SORCS2: variants seen among roughly 807,000 people sequenced by gnomAD.
The protein encoded by SORCS2 is sortilin related VPS10 domain containing receptor 2.
In SORCS2, 100 loss-of-function variants were observed where a neutral mutation model predicts 141.6. The observed-to-expected ratio is 0.71, with a 90% confidence interval of 0.60 to 0.83. The LOEUF is 0.83. Ranked by LOEUF, SORCS2 falls within the 40% of genes least tolerant of loss-of-function variation. The pLI, the probability that SORCS2 is intolerant of heterozygous loss-of-function variation, is 0.00. For missense variants in SORCS2, 1,646 were observed against 1,560.2 expected, an observed-to-expected ratio of 1.05 and a Z score of -0.93; for synonymous variants, 789 against 676.9, an observed-to-expected ratio of 1.17 and a Z score of -2.57.
At chr4:7,461,232 C>A (rs948439475) in intron 2 of SORCS2, among the ~76,000 whole-genome samples, 1 of 152,244 alleles carries the variant, frequency 6.6e-6, no homozygotes, top group Admixed American at 6.5e-5. Context: ...TTCCCTCTGC[C>A]GTCACAGGAC....
Position 7,233,152 on chromosome 4 carries a change from C to T in SORCS2, c.480+40026C>T, listed in dbSNP as rs1007850101. On this transcript the variant is annotated intron_variant, in intron 1 of 26. Coordinates refer to ENST00000507866, the MANE Select transcript of SORCS2 (RefSeq NM_020777.3). The surrounding 1 kb of genome is among the most constrained non-coding windows in gnomAD (Gnocchi z 4.5). ...GGCACAGGCGAGTCCCCAAGGTACC[C>T]GAGGGAGGCCAGGTACTGTCACTGC... 3.9e-5 allele frequency among the ~76,000 whole-genome samples: 6 copies of T among 152,122 alleles called. No individual in the cohort carries two copies. The highest frequency in any genetic ancestry group is 2.1e-4 in the South Asian group (1 of 4,830).
At chr4:7,238,993 A>C (rs1315895817) in intron 1 of SORCS2, among the ~76,000 whole-genome samples, 1 of 152,228 alleles carries the variant, frequency 6.6e-6, no homozygotes, top group South Asian at 2.1e-4. Context: ...CACTGGGAGC[A>C]CTAGGCATGG....
chr4:7,278,486 T>G (rs1715659123), intron 1 of SORCS2, among the ~76,000 whole-genome samples: 1 of 152,150 alleles, frequency 6.6e-6, no homozygotes, highest in East Asian at 1.9e-4. Context: ...CAGCCCAGGG[T>G]CTGCTTAGCC....
chr4:7,734,756 A>G (rs377642080), intron 25 of SORCS2, among the ~76,000 whole-genome samples: 117 of 152,320 alleles, frequency 7.7e-4, no homozygotes, highest in African/African-American at 2.7e-3. Flanking sequence ...GGCCAGCCTC[A>G]GAACTGGGAC....
At chr4:7,355,181 C>A (rs975809050) in intron 1 of SORCS2, among the ~76,000 whole-genome samples, 1 of 152,144 alleles carries the variant, frequency 6.6e-6, no homozygotes, top group Admixed American at 6.5e-5. Flanking sequence ...TCTGTCCTCA[C>A]GAGCTGGAGC....
intron 2 of SORCS2, among the ~76,000 whole-genome samples, chr4:7,529,707 G>C (rs889664186): frequency 3.9e-5 from 6 of 152,224 alleles, no homozygotes; most frequent in Non-Finnish European, 5.9e-5. Flanking sequence ...GTTTCTGCAA[G>C]GGCCTTGGAA....
chr4:7,232,702 C>T (rs1050367493), intron 1 of SORCS2, among the ~76,000 whole-genome samples: 9 of 152,182 alleles, frequency 5.9e-5, no homozygotes, highest in African/African-American at 9.7e-5. Flanking sequence ...TGTGTCGATG[C>T]GTGCCCCTCC....
At chr4:7,229,249 C>A (rs576705058) in intron 1 of SORCS2, among the ~76,000 whole-genome samples, 31 of 152,200 alleles carry the variant, frequency 2.0e-4, no homozygotes, top group African/African-American at 7.5e-4. Context: ...TCTCCTTCCC[C>A]CATAATTCCC....
intron 10 of SORCS2, 48 bp downstream of exon 10, chr4:7,682,937 G>T: frequency 6.3e-7 from 1 of 1,584,560 alleles, no homozygotes; most frequent in Non-Finnish European, 8.6e-7. Context: ...GTGGATGCTA[G>T]ATATAACTTC....
chr4:7,562,560 A>G (rs1714678096), intron 3 of SORCS2, among the ~76,000 whole-genome samples: 1 of 152,172 alleles, frequency 6.6e-6, no homozygotes, highest in African/African-American at 2.4e-5. Context: ...TGCATGTTCT[A>G]CTTGGTTTTG....
chr4:7,639,789 A>G (rs1720530252), intron 4 of SORCS2, among the ~76,000 whole-genome samples: 1 of 144,294 alleles, frequency 6.9e-6, no homozygotes. Context: ...GTGTGTGGGT[A>G]TGTATGGGTG....
intron 1 of SORCS2, among the ~76,000 whole-genome samples, chr4:7,296,670 T>C (rs978304962): frequency 2.0e-5 from 3 of 152,038 alleles, no homozygotes; most frequent in Non-Finnish European, 4.4e-5. Context: ...GGAATCGGAG[T>C]AGCCCCAGCC....
At chr4:7,376,554 G>A (rs1366317203) in intron 1 of SORCS2, among the ~76,000 whole-genome samples, 2 of 152,176 alleles carry the variant, frequency 1.3e-5, no homozygotes, top group African/African-American at 2.4e-5. Context: ...TCCAGCCTGG[G>A]TGACAAAGCA....
At chr4:7,461,384 G>C (rs1473423063) in intron 2 of SORCS2, among the ~76,000 whole-genome samples, 1 of 152,092 alleles carries the variant, frequency 6.6e-6, no homozygotes, top group Non-Finnish European at 1.5e-5. Context: ...CGAGCTTCCA[G>C]CTTGACCTCT....
chr4:7,358,378 G>C (rs187254281), intron 1 of SORCS2, among the ~76,000 whole-genome samples: 9 of 152,340 alleles, frequency 5.9e-5, no homozygotes, highest in African/African-American at 2.2e-4. Flanking sequence ...GCTCAGAGAG[G>C]TTAGCGTTAG....
intron 10 of SORCS2, among the ~76,000 whole-genome samples, chr4:7,688,063 C>T (rs985242865): frequency 1.3e-5 from 2 of 152,190 alleles, no homozygotes; most frequent in African/African-American, 4.8e-5. Context: ...CGCATCTTAT[C>T]CAAGTCAATA....
At chr4:7,650,337 G>A (rs925734723) in intron 4 of SORCS2, among the ~76,000 whole-genome samples, 1 of 152,208 alleles carries the variant, frequency 6.6e-6, no homozygotes, top group African/African-American at 2.4e-5. Context: ...GCTATTACGG[G>A]TGTTATCAGG....
At chr4:7,249,058 C>A (rs28623262) in intron 1 of SORCS2, among the ~76,000 whole-genome samples, 1 of 152,178 alleles carries the variant, frequency 6.6e-6, no homozygotes, top group Non-Finnish European at 1.5e-5. Context: ...GCTGCAGTAA[C>A]AAACAGCCCC....
At position 7,683,281 on chromosome 4, in the gene SORCS2, C is replaced by T. The variant is rs111428201; in HGVS notation, c.1488+392C>T. Among the ~76,000 whole-genome samples the T allele has an allele frequency of 5.7e-3, 394 of 68,880 alleles. 3 individuals are homozygous for T. Among genetic ancestry groups the T allele is most frequent in the African/African-American group, 0.028 (289 of 10,220 alleles). The allele number at this position is 68,880 out of a possible 152,430, so 45.2% of individuals were successfully genotyped here. A position where few individuals can be genotyped will look rare whatever the true frequency, so the allele number is the denominator to read the frequency against. The stretch of plus-strand genomic sequence containing the variant: ...CTGACCTTGGCTGGGCTCAGCTGAG[C>T]GGCTCTGCTGACCTTGGCTGGGCTC... On this transcript the variant is annotated intron_variant, in intron 10 of 26. Transcript: ENST00000507866.
Sources: gnomAD v4.1 joint callset for allele counts (sites outside exome capture counted in the v4.1 genomes callset) on GRCh38, gnomAD v4.1.1 for gene constraint, Gnocchi (gnomAD v3.1) non-coding constraint, MANE v1.5 for transcripts, NCBI Gene and HGNC (gene_info 2026-07-23, HGNC 2026-07-21) for gene names.